Variants in THSD7B observed in about 807,000 individuals in gnomAD.
THSD7B encodes the protein thrombospondin type-1 domain-containing protein 7B.
THSD7B carries 138 observed loss-of-function variants against 213.6 expected under a neutral mutation model. The ratio of observed to expected loss-of-function variants is 0.65; its 90% CI spans 0.56 to 0.74. THSD7B has a LOEUF of 0.74. THSD7B is among the 30% of genes least tolerant of loss of function. The pLI, the probability that THSD7B is intolerant of heterozygous loss-of-function variation, is 0.00. For synonymous variants in THSD7B, 742 were observed against 687.0 expected, an observed-to-expected ratio of 1.08 and a Z score of -1.25; for missense variants, 1,931 against 1,991.5, an observed-to-expected ratio of 0.97 and a Z score of 0.58.
intron 14 of THSD7B, 81 bp downstream of exon 14, chr2:137,411,953 C>T (rs6753392): frequency 0.031 from 45,008 of 1,468,748 alleles, 2,689 homozygotes; most frequent in African/African-American, 0.23. Flanking sequence ...GAATTAATAG[C>T]TCTGCTCTAT....
intron 14 of THSD7B, among the ~76,000 whole-genome samples, chr2:137,419,923 C>G (rs1274263020): frequency 6.6e-6 from 1 of 152,038 alleles, no homozygotes; most frequent in Non-Finnish European, 1.5e-5. Context: ...ATAGATACCC[C>G]TTTGCTATAT....
chr2:137,190,978 G>A (rs1033861746), intron 7 of THSD7B, among the ~76,000 whole-genome samples: 2 of 152,282 alleles, frequency 1.3e-5, no homozygotes, highest in South Asian at 4.1e-4. Flanking sequence ...GAGAGACGCT[G>A]CAATTTCACA....
intron 1 of THSD7B, among the ~76,000 whole-genome samples, chr2:136,816,818 A>G (rs1682481627): frequency 6.6e-6 from 1 of 152,202 alleles, no homozygotes; most frequent in Admixed American, 6.5e-5. Context: ...TGAATATTAT[A>G]CACGAAGATT....
At chr2:136,871,433 C>T (rs1683430908) in intron 1 of THSD7B, among the ~76,000 whole-genome samples, 1 of 151,892 alleles carries the variant, frequency 6.6e-6, no homozygotes, top group South Asian at 2.1e-4. Context: ...GAAATGGAGG[C>T]TGAAAATAAA....
intron 2 of THSD7B, among the ~76,000 whole-genome samples, chr2:136,979,290 A>G (rs1234966035): frequency 2.0e-5 from 3 of 151,898 alleles, no homozygotes; most frequent in Non-Finnish European, 4.4e-5. Context: ...CTTCTCATGG[A>G]ATACCTTACT....
At chr2:137,396,591 G>A (rs10208057) in intron 12 of THSD7B, among the ~76,000 whole-genome samples, 15,118 of 120,998 alleles carry the variant, frequency 0.12, 426 homozygotes, top group Non-Finnish European at 0.14. Flanking sequence ...CAAGTATGTG[G>A]TCAATTTTGG....
chr2:137,211,741 A>G (rs1351250898), intron 7 of THSD7B, among the ~76,000 whole-genome samples: 1 of 138,926 alleles, frequency 7.2e-6, no homozygotes, highest in Non-Finnish European at 1.6e-5. Context: ...TAAGTGTTCT[A>G]CAAGTATTTT....
intron 7 of THSD7B, among the ~76,000 whole-genome samples, chr2:137,212,829 C>T (rs1681147612): frequency 6.6e-6 from 1 of 151,814 alleles, no homozygotes. Context: ...AACCAAGATG[C>T]TATAAAGAGA....
intron 12 of THSD7B, among the ~76,000 whole-genome samples, chr2:137,296,914 A>G (rs533953992): frequency 3.3e-5 from 5 of 152,076 alleles, no homozygotes; most frequent in Admixed American, 3.3e-4. Flanking sequence ...CTCAACTGAA[A>G]AGACATCTTC....
At chr2:136,823,526 C>A (rs149799199) in intron 1 of THSD7B, among the ~76,000 whole-genome samples, 132 of 152,162 alleles carry the variant, frequency 8.7e-4, no homozygotes, top group African/African-American at 3.1e-3. Context: ...GCCAGTAATA[C>A]CCTTTAACTT....
At chr2:137,503,933 A>G (rs928107601) in intron 15 of THSD7B, among the ~76,000 whole-genome samples, 2 of 151,758 alleles carry the variant, frequency 1.3e-5, no homozygotes. Context: ...AGGCTGAGGC[A>G]GGAGAATCGC....
chr2:137,430,482 CA>C (rs1389685829), intron 14 of THSD7B, among the ~76,000 whole-genome samples: 1 of 152,154 alleles, frequency 6.6e-6, no homozygotes, highest in Non-Finnish European at 1.5e-5. Flanking sequence ...ATTTACCCAA[CA>C]ATGTTTCTCT....
intron 17 of THSD7B, among the ~76,000 whole-genome samples, chr2:137,604,051 C>T (rs556031471): frequency 4.6e-5 from 7 of 152,064 alleles, no homozygotes; most frequent in East Asian, 1.9e-4. Flanking sequence ...GTGGAGATTG[C>T]GCCACTGTAT....
chr2:137,622,470 A>G (rs1001249803), intron 20 of THSD7B, among the ~76,000 whole-genome samples: 1 of 152,218 alleles, frequency 6.6e-6, no homozygotes, highest in Non-Finnish European at 1.5e-5. Flanking sequence ...AAAAATAACT[A>G]AGATCAGAGC....
chr2:137,079,883 A>G (rs1449843683), intron 3 of THSD7B, among the ~76,000 whole-genome samples: 1 of 152,120 alleles, frequency 6.6e-6, no homozygotes, highest in African/African-American at 2.4e-5. Flanking sequence ...TCTGTCACCC[A>G]GGTTGGAGTG....
At chr2:137,636,469 G>T (rs1682833927) in intron 20 of THSD7B, among the ~76,000 whole-genome samples, 1 of 152,158 alleles carries the variant, frequency 6.6e-6, no homozygotes, top group African/African-American at 2.4e-5. Flanking sequence ...TTTATTATTT[G>T]TCCTAATAAC....
At chr2:137,157,792 T>G (rs1270625968) in intron 5 of THSD7B, among the ~76,000 whole-genome samples, 1 of 152,226 alleles carries the variant, frequency 6.6e-6, no homozygotes. Context: ...AGGGAAGTTA[T>G]GCAGATTAAA....
At chr2:137,153,834 T>C (rs1466756532) in intron 5 of THSD7B, among the ~76,000 whole-genome samples, 1 of 152,150 alleles carries the variant, frequency 6.6e-6, no homozygotes, top group Non-Finnish European at 1.5e-5. Flanking sequence ...TTCTCAAAAA[T>C]CATTTAGAAA....
At chr2:136,819,542 T>C (rs1682536324) in intron 1 of THSD7B, among the ~76,000 whole-genome samples, 1 of 152,070 alleles carries the variant, frequency 6.6e-6, no homozygotes, top group Non-Finnish European at 1.5e-5. Flanking sequence ...TTATCCTCAA[T>C]GTACTGGGGA....
Sources: gnomAD v4.1 joint callset for allele counts (sites outside exome capture counted in the v4.1 genomes callset) on GRCh38, gnomAD v4.1.1 for gene constraint, MANE v1.5 for transcripts, NCBI Gene and HGNC (gene_info 2026-07-23, HGNC 2026-07-21) for gene names.